Variants in CRHR1 observed in about 807,000 individuals in gnomAD.
CRHR1 encodes corticotropin-releasing hormone receptor 1.
A neutral mutation model predicts 56.0 loss-of-function variants in CRHR1; 28 were observed. The ratio of observed to expected loss-of-function variants is 0.50; its 90% CI spans 0.37 to 0.69. The LOEUF (loss-of-function observed/expected upper bound fraction) is 0.69, where lower values mean the gene tolerates loss of function less well. Among genes scored for constraint, CRHR1 ranks in the 30% least tolerant of loss-of-function variants. The pLI, the probability that CRHR1 is intolerant of heterozygous loss-of-function variation, is 0.00. For missense variants in CRHR1, 376 were observed against 548.0 expected (o/e 0.69, Z 3.13); for synonymous variants, 195 against 216.5 (o/e 0.90, Z 0.87).
chr17:45,830,846 C>T, intron 7 of CRHR1, 34 bp from the exon 8 acceptor site: 1 of 1,606,626 alleles, frequency 6.2e-7, no homozygotes, highest in Non-Finnish European at 8.5e-7. Flanking sequence ...CCAGCCCCCG[C>T]TGAGGGCTCT....
chr17:45,785,882 C>G (rs2061326669), intron 1 of CRHR1, among the ~76,000 whole-genome samples: 1 of 152,206 alleles, frequency 6.6e-6, no homozygotes, highest in African/African-American at 2.4e-5. Context: ...GAACCCACAT[C>G]CCCTCCCCCA....
At chr17:45,806,974 C>T in intron 1 of CRHR1, 36 bp from the exon 2 acceptor site, 1 of 1,592,948 alleles carries the variant, frequency 6.3e-7, no homozygotes, top group Middle Eastern at 1.7e-4. Flanking sequence ...GCTCATGGCA[C>T]CTGCCTAATG....
At chr17:45,806,393 A>G (rs2061719491) in intron 1 of CRHR1, among the ~76,000 whole-genome samples, 1 of 152,236 alleles carries the variant, frequency 6.6e-6, no homozygotes, top group Admixed American at 6.5e-5. Flanking sequence ...GCAAATAGGC[A>G]CAGCCACACC....
rs1050801126 is a variant in CRHR1, at chr17:45,812,540, G to A, written c.122-3923G>A. ...GGCTTTTGTGGCACTGGAACTGGAG[G>A]GAGGGGACATTGGCCCAAGAATCAG... On this transcript the variant is annotated intron_variant, in intron 2 of 12. Coordinates refer to ENST00000314537, the MANE Select transcript of CRHR1 (RefSeq NM_004382.5). Among the ~76,000 whole-genome samples the A allele has an allele frequency of 2.3e-4, 35 of 152,168 alleles. 2 individuals are homozygous for A. The highest frequency in any genetic ancestry group is 2.0e-3 in the Admixed American group (31 of 15,272).
intron 2 of CRHR1, among the ~76,000 whole-genome samples, chr17:45,811,420 C>T (rs1373318419): frequency 1.3e-5 from 2 of 152,226 alleles, no homozygotes; most frequent in Non-Finnish European, 2.9e-5. Context: ...CGCATTTGTT[C>T]TGTGCATGTA....
In CRHR1 at chr17:45,833,478, C is replaced by T. The variant is rs371286935; in HGVS notation, c.870C>T (p.Ile290=). 8.1e-6 allele frequency: 13 copies of T among 1,613,916 alleles called. No homozygotes were observed. The highest frequency in any genetic ancestry group is 2.2e-5 in the East Asian group (1 of 44,876). ...LLINFIFLFN[I]VRILMTKLRA... ...TCAATTTCATCTTCCTTTTCAACAT[C>T]GTCCGCATCCTCATGACCAAGCTCC... Residue 290 remains isoleucine (I), a synonymous_variant, in exon 10 of 13, where the codon ATC becomes ATT. Coordinates refer to ENST00000314537, the MANE Select transcript of CRHR1 (RefSeq NM_004382.5).
At chr17:45,813,129 G>A (rs2061855071) in intron 2 of CRHR1, among the ~76,000 whole-genome samples, 1 of 152,180 alleles carries the variant, frequency 6.6e-6, no homozygotes, top group Admixed American at 6.5e-5. Context: ...CTTATGGGAA[G>A]GCACCGAGCC....
At position 45,800,913 on chromosome 17, in the gene CRHR1, C is replaced by T. The variant is rs574031865; in HGVS notation, c.34-6097C>T. The T allele has an allele frequency of 6.6e-5, 10 of 152,340 alleles. No homozygotes were observed. The East Asian group carries it at 1.9e-3, about 29-fold the overall frequency. The allele number at this position is 152,340 out of a possible 1,614,324, so 9.4% of individuals were successfully genotyped here. ...TCCCTCCCTCCAGTGGCCTTCAGGA[C>T]CCTCCCCAAAAGGTTAATTACCGAA... On this transcript the variant is annotated intron_variant, in intron 1 of 12. Coordinates refer to ENST00000314537, the MANE Select transcript of CRHR1 (RefSeq NM_004382.5).
intron 4 of CRHR1, among the ~76,000 whole-genome samples, chr17:45,822,431 G>T (rs568289745): frequency 6.6e-6 from 1 of 152,216 alleles, no homozygotes; most frequent in African/African-American, 2.4e-5. Flanking sequence ...TGAGGAAGAC[G>T]GGGGTCAAAG....
In CRHR1 at chr17:45,834,055, A is replaced by G; in HGVS notation, c.1107+7A>G. 1.2e-6 allele frequency: 2 copies of G among 1,612,736 alleles called. No individual in the cohort carries two copies. The highest frequency in any genetic ancestry group is 1.3e-5 in the African/African-American group (1 of 74,960). Reference sequence around the variant, plus strand: ...CTGTTTCCTCAATAGTGAGGTGAGGACCCGGGGGCCCTGCAGCGGGGTTCA... The same window carrying G: ...CTGTTTCCTCAATAGTGAGGTGAGGGCCCGGGGGCCCTGCAGCGGGGTTCA... On this transcript the variant is annotated splice_region_variant and intron_variant, in intron 12 of 12. Coordinates refer to ENST00000314537, the MANE Select transcript of CRHR1 (RefSeq NM_004382.5).
chr17:45,832,293 C>T (rs932095665), intron 8 of CRHR1, among the ~76,000 whole-genome samples: 4 of 152,146 alleles, frequency 2.6e-5, no homozygotes, highest in Non-Finnish European at 5.9e-5. Flanking sequence ...GTCTGAGCGG[C>T]TCTGAAGCTC....
At chr17:45,786,817 T>C (rs11650092) in intron 1 of CRHR1, among the ~76,000 whole-genome samples, 3,849 of 152,064 alleles carry the variant, frequency 0.025, 71 homozygotes, top group Non-Finnish European at 0.042. Flanking sequence ...ATCTTTGTAT[T>C]TTTTGTAGAG....
intron 1 of CRHR1, among the ~76,000 whole-genome samples, chr17:45,797,065 C>T (rs2061531112): frequency 6.6e-6 from 1 of 152,322 alleles, no homozygotes; most frequent in Non-Finnish European, 1.5e-5. Context: ...CCTGGATGTA[C>T]ACTCCATTCC....
At chr17:45,797,865 C>T (rs2061549674) in intron 1 of CRHR1, among the ~76,000 whole-genome samples, 1 of 152,170 alleles carries the variant, frequency 6.6e-6, no homozygotes, top group South Asian at 2.1e-4. Flanking sequence ...CCCCATTTTA[C>T]AGATGAGGTA....
intron 1 of CRHR1, among the ~76,000 whole-genome samples, chr17:45,797,495 GTCTCA>G (rs2061543780): frequency 1.3e-5 from 2 of 151,618 alleles, no homozygotes; most frequent in South Asian, 4.2e-4. Flanking sequence ...TTTCACTGTG[GTCTCA>G]ATCTCCTGAC....
chr17:45,833,693 T>TGGGGGGGGCGCC, intron 10 of CRHR1, 21 bp from the exon 11 acceptor site: 1 of 1,571,614 alleles, frequency 6.4e-7, no homozygotes, highest in South Asian at 1.1e-5. Flanking sequence ...ACTCCGAGCC[T>TGGGGGGGGCGCC]CCCCACCCGC....
At chr17:45,833,693 T>TGGGGGGGGGGGCGG in intron 10 of CRHR1, 21 bp from the exon 11 acceptor site, 2 of 1,571,618 alleles carry the variant, frequency 1.3e-6, no homozygotes, top group Non-Finnish European at 1.7e-6. Flanking sequence ...ACTCCGAGCC[T>TGGGGGGGGGGGCGG]CCCCACCCGC....
intron 3 of CRHR1, among the ~76,000 whole-genome samples, chr17:45,818,495 C>T (rs1056657345): frequency 3.3e-5 from 5 of 152,200 alleles, no homozygotes; most frequent in African/African-American, 1.2e-4. Context: ...TGGCACAGAC[C>T]TTCTGTGGGC....
intron 2 of CRHR1, 22 bp downstream of exon 2, chr17:45,807,119 C>T (rs780696864): frequency 3.4e-5 from 55 of 1,608,310 alleles, no homozygotes; most frequent in Middle Eastern, 3.3e-4. Flanking sequence ...CAACCCCCTC[C>T]TGCAAGATTC....
Sources: gnomAD v4.1 joint callset for allele counts (sites outside exome capture counted in the v4.1 genomes callset) on GRCh38, gnomAD v4.1.1 for gene constraint, MANE v1.5 for transcripts, NCBI Gene and HGNC (gene_info 2026-07-23, HGNC 2026-07-21) for gene names.